EXOC3L2: variants seen among roughly 807,000 people sequenced by gnomAD.
EXOC3L2 encodes exocyst complex component 3-like protein 2.
In EXOC3L2, 17 loss-of-function variants were observed where a neutral mutation model predicts 44.4. The ratio of observed to expected loss-of-function variants is 0.38; its 90% confidence interval spans 0.26 to 0.57. The LOEUF (loss-of-function observed/expected upper bound fraction) is 0.57. Among genes scored for constraint, EXOC3L2 ranks in the 20% least tolerant of loss-of-function variants. The pLI is 0.65. For missense variants in EXOC3L2, 541 were observed against 588.4 expected (o/e 0.92, Z 0.83); for synonymous variants, 256 against 253.7 (o/e 1.01, Z -0.09).
chr19:45,238,644 C>G lies in EXOC3L2; in HGVS notation c.402G>C (p.Leu134=), dbSNP rs1371534270. The G allele has an allele frequency of 2.5e-6, 1 of 399,254 alleles. No individual in the cohort carries two copies. The highest frequency in any genetic ancestry group is 4.4e-6 in the Non-Finnish European group (1 of 226,048). 24.7% of individuals were successfully genotyped at this position (399,254 alleles called of 1,614,324 possible). A position where few individuals can be genotyped will look rare whatever the true frequency, so the allele number is the denominator to read the frequency against. Residue 134 remains leucine, a synonymous_variant, in exon 2 of 12, where the codon CTG becomes CTC. Coordinates refer to ENST00000413988, the MANE Select transcript of EXOC3L2 (RefSeq NM_001382422.1). The surrounding 1 kb of genome is among the most constrained non-coding windows in gnomAD (Gnocchi z 5.5). The part of the protein sequence containing the change: ...EAARRLAFLR[L]GRGSKPQRAS... ...CACGCTGGGGCTTGGATCCACGCCCCAGTCTCAGGAAGGCCAGTCTCCGGG... is the reference window on the plus strand; with the variant it reads ...CACGCTGGGGCTTGGATCCACGCCCGAGTCTCAGGAAGGCCAGTCTCCGGG...
intron 7 of EXOC3L2, 46 bp from the exon 8 acceptor site, chr19:45,224,959 G>A (rs758025724): frequency 1.3e-6 from 2 of 1,488,668 alleles, no homozygotes; most frequent in Non-Finnish European, 1.8e-6. Flanking sequence ...CAACATCTCA[G>A]CCCAACTGCC....
At chr19:45,224,976 T>C in intron 7 of EXOC3L2, 63 bp from the exon 8 acceptor site, 1 of 1,463,542 alleles carries the variant, frequency 6.8e-7, no homozygotes, top group Non-Finnish European at 9.1e-7. Context: ...TGCCTAGGCC[T>C]GTCTTCCCTT....
chr19:45,234,605 G>A lies in EXOC3L2; in HGVS notation c.745C>T (p.Pro249Ser), dbSNP rs1005982995. The change falls in exon 3 of 12, where the codon CCC (proline) becomes TCC (serine). Residue 249 changes from proline (P) to serine (S), a missense_variant. Physicochemically the swap from Pro to Ser is moderately conservative, Grantham distance 74. Transcript: ENST00000413988. This position sits in a 1 kb window ranked among gnomAD's most constrained non-coding sequence, Gnocchi z 5.0. ...GCCCCGGCGCACGCTCCCGGCCCGGGGCCCGCCAGCGTCTCGCGCACCAGC... is the reference window on the plus strand; with the variant it reads ...GCCCCGGCGCACGCTCCCGGCCCGGAGCCCGCCAGCGTCTCGCGCACCAGC... ...WALVRETLAG[P>S]GPGACAGAGA... 4.6e-5 allele frequency: 14 copies of A among 306,328 alleles called. No individual in the cohort carries two copies. Among genetic ancestry groups the A allele is most frequent in the Non-Finnish European group, 7.2e-5 (12 of 166,314 alleles). 19.0% of individuals were successfully genotyped at this position (306,328 alleles called of 1,614,324 possible). A position where few individuals can be genotyped will look rare whatever the true frequency, so the allele number is the denominator to read the frequency against.
At chr19:45,227,823 G>A (rs755645310) in intron 6 of EXOC3L2, 51 bp from the exon 7 acceptor site, 20 of 1,564,564 alleles carry the variant, frequency 1.3e-5, no homozygotes, top group Middle Eastern at 3.6e-4. Flanking sequence ...AGGGTCCCTC[G>A]TGGGCACCCA....
Position 45,238,464 on chromosome 19 carries a change from C to T in EXOC3L2, c.523+59G>A. 2.5e-6 allele frequency: 1 copy of T among 399,490 alleles called. No homozygotes were observed. Among genetic ancestry groups the T allele is most frequent in the South Asian group, 1.3e-4 (1 of 7,862 alleles). 24.7% of individuals were successfully genotyped at this position (399,490 alleles called of 1,614,324 possible). A position where few individuals can be genotyped will look rare whatever the true frequency, so the allele number is the denominator to read the frequency against. On this transcript the variant is annotated intron_variant, in intron 2 of 11. Transcript: ENST00000413988. This position sits in a 1 kb window ranked among gnomAD's most constrained non-coding sequence, Gnocchi z 5.5. ...AGTATGAAGCCTGGGACCACCAGGG[C>T]TGGGGATGGACATGGGCACTGGGAT...
intron 4 of EXOC3L2, among the ~76,000 whole-genome samples, chr19:45,228,746 T>C (rs1362902672): frequency 6.6e-6 from 1 of 151,960 alleles, no homozygotes; most frequent in Non-Finnish European, 1.5e-5. Flanking sequence ...CACTCCCGCC[T>C]GGGCAACAGG....
rs530736333 is a variant in EXOC3L2 at position 45,212,598 on chromosome 19, C to CTTTTTTTTTTTTTTTTTTTTTTTTTTT, written c.*470_*471insAAAAAAAAAAAAAAAAAAAAAAAAAAA. The CTTTTTTTTTTTTTTTTTTTTTTTTTTT allele has an allele frequency of 9.0e-6, 1 of 111,352 alleles. No homozygotes were observed. Among genetic ancestry groups the CTTTTTTTTTTTTTTTTTTTTTTTTTTT allele is most frequent in the African/African-American group, 4.0e-5 (1 of 25,160 alleles). 6.9% of individuals were successfully genotyped at this position (111,352 alleles called of 1,614,324 possible). A position where few individuals can be genotyped will look rare whatever the true frequency, so the allele number is the denominator to read the frequency against. ...CTCTTTGGCCTCTGTTTCCCCCTAC[C>CTTTTTTTTTTTTTTTTTTTTTTTTTTT]TTTTTTTTTTTTTTTTTTTTTTGAG... On this transcript the variant is annotated 3_prime_UTR_variant, in exon 12 of 12. Coordinates refer to ENST00000413988, the MANE Select transcript of EXOC3L2 (RefSeq NM_001382422.1).
chr19:45,241,735 A>G (rs1970133563), intron 1 of EXOC3L2, among the ~76,000 whole-genome samples: 1 of 152,100 alleles, frequency 6.6e-6, no homozygotes, highest in Non-Finnish European at 1.5e-5. Flanking sequence ...CAGGACTCAC[A>G]CTTCAGGACT....
chr19:45,214,750 C>T (rs1207629152), intron 11 of EXOC3L2, among the ~76,000 whole-genome samples: 2 of 151,950 alleles, frequency 1.3e-5, no homozygotes, highest in East Asian at 3.9e-4. Context: ...CAAGCGTGAG[C>T]CACCATGCCC....
intron 9 of EXOC3L2, 54 bp downstream of exon 9, chr19:45,218,143 C>T: frequency 8.5e-7 from 1 of 1,180,192 alleles, no homozygotes; most frequent in Non-Finnish European, 1.2e-6. Flanking sequence ...TTTCCCCTTT[C>T]CTCCTCCCCT....
intron 2 of EXOC3L2, among the ~76,000 whole-genome samples, chr19:45,236,429 G>A (rs1347452275): frequency 1.6e-5 from 2 of 126,892 alleles, no homozygotes; most frequent in Non-Finnish European, 3.1e-5. Flanking sequence ...TCTTGCCATT[G>A]CACTCCAGCC....
Position 45,212,855 on chromosome 19 carries a change from C to T in EXOC3L2, c.*214G>A. The T allele has an allele frequency of 2.0e-6, 1 of 509,200 alleles. No individual in the cohort carries two copies. The highest frequency in any genetic ancestry group is 4.2e-5 in the South Asian group (1 of 23,704). 31.5% of individuals were successfully genotyped at this position (509,200 alleles called of 1,614,324 possible). ...GCTCAAGCAATCCTCCGGCCTCAGC[C>T]TCCCAAAGTGTTGGGATTACAGGCA... On this transcript the variant is annotated 3_prime_UTR_variant, in exon 12 of 12. Transcript: ENST00000413988.
At chr19:45,213,737 G>A (rs1969803884) in intron 11 of EXOC3L2, among the ~76,000 whole-genome samples, 1 of 151,828 alleles carries the variant, frequency 6.6e-6, no homozygotes, top group Non-Finnish European at 1.5e-5. Context: ...CTGAGGTCAG[G>A]AGTTCGAGAC....
rs1032414061 is a variant in EXOC3L2, at chr19:45,238,706, G to C, written c.340C>G (p.Arg114Gly). 2.0e-5 allele frequency: 8 copies of C among 398,902 alleles called. No homozygotes were observed. The highest frequency in any genetic ancestry group is 1.6e-4 in the African/African-American group (8 of 48,614). 24.7% of individuals were successfully genotyped at this position (398,902 alleles called of 1,614,324 possible). Residue 114 changes from arginine (R) to glycine (G), a missense_variant, in exon 2 of 12, where the codon CGA (arginine) becomes GGA (glycine). By Grantham distance (125) the Arg-to-Gly change is moderately radical (BLOSUM62 -2). Transcript: ENST00000413988. The surrounding 1 kb of genome is among the most constrained non-coding windows in gnomAD (Gnocchi z 5.5). Reference sequence around the variant, plus strand: ...GCTGCCTCCTCGTCGCCGTGGGCTCGGGTCCCATGCAGCCGGGCCAGGAGG... The same window carrying C: ...GCTGCCTCCTCGTCGCCGTGGGCTCCGGTCCCATGCAGCCGGGCCAGGAGG... Reference protein sequence around the residue: ...FGLLARLHGTRAHGDEEAAGE... With the variant: ...FGLLARLHGTGAHGDEEAAGE...
chr19:45,224,743 C>A, intron 8 of EXOC3L2, 35 bp downstream of exon 8: 1 of 1,540,898 alleles, frequency 6.5e-7, no homozygotes, highest in South Asian at 1.2e-5. Flanking sequence ...CCTGTCCTGG[C>A]ATGGGCCCCA....
intron 1 of EXOC3L2, among the ~76,000 whole-genome samples, chr19:45,240,655 G>A (rs1439623098): frequency 1.3e-5 from 2 of 152,172 alleles, no homozygotes; most frequent in Non-Finnish European, 2.9e-5. Context: ...CAGCACTTTG[G>A]GAGGTGGAGG....
intron 1 of EXOC3L2, among the ~76,000 whole-genome samples, chr19:45,244,814 C>T (rs1338050262): frequency 6.6e-6 from 1 of 152,022 alleles, no homozygotes; most frequent in African/African-American, 2.4e-5. Flanking sequence ...ACCAGTGCAA[C>T]CCCAATCTAG....
At position 45,220,026 on chromosome 19, in the gene EXOC3L2, A is replaced by G. The variant is rs375780589; in HGVS notation, c.1720-1707T>C. 5.2e-4 allele frequency among the ~76,000 whole-genome samples: 79 copies of G among 152,098 alleles called. No homozygotes were observed. In the East Asian group the frequency reaches 9.3e-3, roughly 18 times the overall value. ...ATCTCTACTAAAAATACAAAAAATT[A>G]GCTAGGCGTGATGGTGGGCGCCTGT... On this transcript the variant is annotated intron_variant, in intron 8 of 11. Transcript: ENST00000413988.
chr19:45,216,034 C>T, intron 11 of EXOC3L2, 39 bp downstream of exon 11: 1 of 1,607,988 alleles, frequency 6.2e-7, no homozygotes, highest in South Asian at 1.1e-5. Context: ...GAGACCTCGG[C>T]CAGGCACGGC....
Sources: allele counts gnomAD v4.1 joint callset (sites outside exome capture counted in the v4.1 genomes callset), GRCh38; gene constraint gnomAD v4.1.1; non-coding constraint Gnocchi (gnomAD v3.1); transcripts MANE v1.5; gene names NCBI Gene and HGNC (gene_info 2026-07-23, HGNC 2026-07-21).